The following GNA14 variants were observed in gnomAD, a reference collection of about 807,000 sequenced individuals.
GNA14 encodes guanine nucleotide-binding protein subunit alpha-14.
A neutral mutation model predicts 42.0 loss-of-function variants in GNA14; 50 were observed. The ratio of observed to expected loss-of-function variants is 1.19; its 90% CI spans 0.95 to 1.51. GNA14 has a LOEUF of 1.51. Among genes scored for constraint, GNA14 ranks in the 40% most tolerant of loss-of-function variants. The pLI is 0.00. For missense variants in GNA14, 473 were observed against 446.2 expected (o/e 1.06, Z -0.54); for synonymous variants, 173 against 163.1 (o/e 1.06, Z -0.46).
rs73460037 is a variant in GNA14 at position 77,533,057 on chromosome 9, G to A, written c.125-3804C>T. Among the ~76,000 whole-genome samples, 338 of 152,192 alleles carry A rather than the reference G, an allele frequency of 2.2e-3. 1 individual carries two copies. The highest frequency in any genetic ancestry group is 7.8e-3 in the African/African-American group (325 of 41,536). ...AAAGAGAGAATAAAATTACAATTCC[G>A]TCTCTAGACTCTGTTTCAAATATAA... On this transcript the variant is annotated intron_variant, in intron 1 of 6. Coordinates refer to ENST00000341700, the MANE Select transcript of GNA14 (RefSeq NM_004297.4).
chr9:77,646,915 G>A (rs1824363051), intron 1 of GNA14, among the ~76,000 whole-genome samples: 1 of 152,198 alleles, frequency 6.6e-6, no homozygotes, highest in South Asian at 2.1e-4. Context: ...GCTGGATGAA[G>A]ACCTGCCAGA....
At chr9:77,607,744 A>T (rs1356222481) in intron 1 of GNA14, among the ~76,000 whole-genome samples, 2 of 152,142 alleles carry the variant, frequency 1.3e-5, no homozygotes, top group African/African-American at 4.8e-5. Context: ...CCAACAATTT[A>T]GTTCCTGGTT....
At chr9:77,609,734 G>C (rs896439431) in intron 1 of GNA14, among the ~76,000 whole-genome samples, 1 of 152,060 alleles carries the variant, frequency 6.6e-6, no homozygotes, top group African/African-American at 2.4e-5. Flanking sequence ...ATCCTCTGTT[G>C]GGGTTCAGAA....
intron 1 of GNA14, among the ~76,000 whole-genome samples, chr9:77,623,229 A>G (rs1297102504): frequency 5.7e-5 from 6 of 105,380 alleles, no homozygotes; most frequent in African/African-American, 4.4e-4. Context: ...AAAAAAAAAA[A>G]AAAAAAAAAA....
intron 2 of GNA14, among the ~76,000 whole-genome samples, chr9:77,438,359 C>T (rs1218074529): frequency 6.6e-6 from 1 of 152,042 alleles, no homozygotes; most frequent in African/African-American, 2.4e-5. Context: ...CTCCGCCCCA[C>T]CGGGTTCAAG....
chr9:77,446,206 A>G (rs1835815678), intron 2 of GNA14, among the ~76,000 whole-genome samples: 1 of 152,206 alleles, frequency 6.6e-6, no homozygotes, highest in African/African-American at 2.4e-5. Context: ...CAGTGGCACA[A>G]TCAGCTGTGA....
intron 2 of GNA14, among the ~76,000 whole-genome samples, chr9:77,478,215 C>A (rs1587786954): frequency 7.8e-6 from 1 of 127,640 alleles, no homozygotes; most frequent in Non-Finnish European, 1.6e-5. Context: ...GTGTGATGTT[C>A]CCCTTCCTGT....
intron 1 of GNA14, among the ~76,000 whole-genome samples, chr9:77,576,337 G>A (rs1823127800): frequency 6.6e-6 from 1 of 152,116 alleles, no homozygotes. Context: ...ATTTTTAGCT[G>A]ATGATAGTGT....
chr9:77,636,331 C>G (rs780750900), intron 1 of GNA14, among the ~76,000 whole-genome samples: 1 of 152,118 alleles, frequency 6.6e-6, no homozygotes, highest in African/African-American at 2.4e-5. Flanking sequence ...ATAAAACATA[C>G]ATTTTACTTT....
Position 77,500,031 on chromosome 9 carries a change from T to C in GNA14, c.309+29038A>G, listed in dbSNP as rs564092774. Among the ~76,000 whole-genome samples, 9 of 152,068 alleles carry C rather than the reference T, an allele frequency of 5.9e-5. No individual in the cohort carries two copies. In the South Asian group the frequency reaches 1.9e-3, roughly 31 times the overall value. ...AATTTCTGATAATTTCTTTTCTTTT[T>C]TTTTTTTTGAAACGGAGTTTCACTC... is the stretch of plus-strand genomic sequence containing the variant. On this transcript the variant is annotated intron_variant, in intron 2 of 6. Coordinates refer to ENST00000341700, the MANE Select transcript of GNA14 (RefSeq NM_004297.4).
intron 1 of GNA14, among the ~76,000 whole-genome samples, chr9:77,570,341 A>T (rs1248541103): frequency 6.6e-6 from 1 of 152,126 alleles, no homozygotes; most frequent in African/African-American, 2.4e-5. Flanking sequence ...ACATCTTATC[A>T]TGTTTTAAAG....
intron 2 of GNA14, among the ~76,000 whole-genome samples, chr9:77,522,859 G>C (rs11789121): frequency 0.099 from 15,070 of 152,250 alleles, 830 homozygotes; most frequent in Middle Eastern, 0.17. Context: ...GGAACTCCAA[G>C]GGACTGAGTG....
At chr9:77,500,494 TACA>T (rs1390733340) in intron 2 of GNA14, among the ~76,000 whole-genome samples, 1 of 152,238 alleles carries the variant, frequency 6.6e-6, no homozygotes, top group African/African-American at 2.4e-5. Flanking sequence ...CAAGCTACAT[TACA>T]ACATCAAAAC....
chr9:77,494,033 G>C (rs144028473), intron 2 of GNA14, among the ~76,000 whole-genome samples: 1 of 152,100 alleles, frequency 6.6e-6, no homozygotes, highest in Non-Finnish European at 1.5e-5. Context: ...TGATTCTCGT[G>C]ACTCAGCCTC....
At chr9:77,430,519 T>C (rs1835529031) in intron 4 of GNA14, among the ~76,000 whole-genome samples, 1 of 152,106 alleles carries the variant, frequency 6.6e-6, no homozygotes, top group African/African-American at 2.4e-5. Context: ...TATGCTAATA[T>C]AGATGGGGGA....
At chr9:77,465,490 T>G (rs1304814570) in intron 2 of GNA14, among the ~76,000 whole-genome samples, 2 of 152,196 alleles carry the variant, frequency 1.3e-5, no homozygotes, top group African/African-American at 4.8e-5. Context: ...GGCTGTGTGT[T>G]TTCATTTCTT....
chr9:77,481,287 T>G (rs550099495), intron 2 of GNA14, among the ~76,000 whole-genome samples: 11 of 152,370 alleles, frequency 7.2e-5, no homozygotes, highest in African/African-American at 2.6e-4. Flanking sequence ...TCTTTATTTC[T>G]GCCTTCATTT....
chr9:77,639,220 C>CT (rs1167281011), intron 1 of GNA14, among the ~76,000 whole-genome samples: 1 of 152,230 alleles, frequency 6.6e-6, no homozygotes, highest in African/African-American at 2.4e-5. Flanking sequence ...AGCCCACCCC[C>CT]TTTCCCTATG....
intron 1 of GNA14, among the ~76,000 whole-genome samples, chr9:77,620,029 C>G (rs1281544418): frequency 6.6e-6 from 1 of 152,208 alleles, no homozygotes; most frequent in East Asian, 1.9e-4. Context: ...GTCACCAAGT[C>G]AAACAGCAAC....
Sources: allele counts gnomAD v4.1 joint callset (sites outside exome capture counted in the v4.1 genomes callset), GRCh38; gene constraint gnomAD v4.1.1; transcripts MANE v1.5; gene names NCBI Gene and HGNC (gene_info 2026-07-23, HGNC 2026-07-21).